Variants in FSHR observed in about 807,000 individuals in gnomAD.
FSHR encodes the protein follicle-stimulating hormone receptor.
FSHR carries 46 observed loss-of-function variants against 52.1 expected under a neutral mutation model. That is an observed-to-expected ratio of 0.88 (90% CI 0.70 to 1.13). The LOEUF (loss-of-function observed/expected upper bound fraction) is 1.13. Among genes scored for constraint, FSHR ranks in the 50% most tolerant of loss-of-function variants. FSHR has a pLI of 0.00. For missense variants in FSHR, 964 were observed against 834.6 expected (o/e 1.16, Z -1.91); for synonymous variants, 399 against 309.6 (o/e 1.29, Z -3.03).
intron 1 of FSHR, among the ~76,000 whole-genome samples, chr2:49,139,698 C>T (rs1380235674): frequency 2.0e-5 from 3 of 151,146 alleles, no homozygotes; most frequent in Admixed American, 6.6e-5. Flanking sequence ...CCTGGGTTCA[C>T]GCCATTCTCC....
chr2:49,038,248 C>A (rs1668342050), intron 2 of FSHR, among the ~76,000 whole-genome samples: 1 of 151,486 alleles, frequency 6.6e-6, no homozygotes, highest in African/African-American at 2.4e-5. Flanking sequence ...AAAATTAGAC[C>A]CAGAAGAAAC....
At chr2:49,027,878 A>AAGG (rs1667964418) in intron 2 of FSHR, among the ~76,000 whole-genome samples, 1 of 150,068 alleles carries the variant, frequency 6.7e-6, no homozygotes, top group Non-Finnish European at 1.5e-5. Flanking sequence ...AAAAAGAGTG[A>AAGG]AGGAAGGACA....
chr2:48,979,675 A>T (rs1300539557), intron 8 of FSHR, among the ~76,000 whole-genome samples: 2 of 152,162 alleles, frequency 1.3e-5, no homozygotes, highest in Admixed American at 6.5e-5. Flanking sequence ...TTAACTCCAG[A>T]TCTCCCCATG....
Position 48,968,774 on chromosome 2 carries a change from T to C in FSHR, c.778A>G (p.Lys260Glu). ...YNLKKLPTLE[K>E]LVALMEASLT... The stretch of plus-strand genomic sequence containing the variant: ...CTGGCTTCCATGAGGGCGACAAGCT[T>C]TTCCAGAGTAGGCAGCTTTTTTAAG... The change falls in exon 9 of 10, where the codon AAG (lysine) becomes GAG (glutamate). Residue 260 changes from lysine (K) to glutamate (E), a missense_variant. By Grantham distance (56) the Lys-to-Glu change is moderately conservative (BLOSUM62 1). Coordinates refer to ENST00000406846, the MANE Select transcript of FSHR (RefSeq NM_000145.4). 1 of 1,614,158 alleles carries C rather than the reference T, an allele frequency of 6.2e-7. No homozygotes were observed. Among genetic ancestry groups the C allele is most frequent in the Non-Finnish European group, 8.5e-7 (1 of 1,180,014 alleles).
intron 5 of FSHR, among the ~76,000 whole-genome samples, chr2:48,989,731 G>T (rs1219563768): frequency 6.6e-6 from 1 of 151,996 alleles, no homozygotes; most frequent in Admixed American, 6.6e-5. Context: ...GTTTCCTTCT[G>T]CCTGTTCTCC....
At chr2:49,067,997 AT>A (rs1669571303) in intron 2 of FSHR, among the ~76,000 whole-genome samples, 1 of 151,380 alleles carries the variant, frequency 6.6e-6, no homozygotes, top group South Asian at 2.1e-4. Flanking sequence ...AATGATGAAA[AT>A]TGCTTGGATT....
chr2:49,062,856 G>A (rs931735853), intron 2 of FSHR, among the ~76,000 whole-genome samples: 15 of 151,852 alleles, frequency 9.9e-5, no homozygotes, highest in African/African-American at 3.6e-4. Context: ...CCATGATAAG[G>A]TCTCATCTTA....
chr2:49,032,840 C>G (rs1230460035), intron 2 of FSHR, among the ~76,000 whole-genome samples: 1 of 152,090 alleles, frequency 6.6e-6, no homozygotes. Flanking sequence ...GAATAGCCAC[C>G]CCCTTCCTGC....
chr2:49,142,406 G>A (rs1558465058), intron 1 of FSHR, among the ~76,000 whole-genome samples: 2 of 152,172 alleles, frequency 1.3e-5, no homozygotes, highest in Admixed American at 6.5e-5. Context: ...GTAGGAAAGA[G>A]CCTAGTGTTT....
intron 1 of FSHR, among the ~76,000 whole-genome samples, chr2:49,125,146 C>T (rs1419691819): frequency 2.0e-5 from 3 of 152,108 alleles, no homozygotes; most frequent in Admixed American, 1.3e-4. Flanking sequence ...GTGTATCTAC[C>T]ATGTCTGATC....
At chr2:49,078,011 C>A (rs910242068) in intron 1 of FSHR, among the ~76,000 whole-genome samples, 2 of 152,210 alleles carry the variant, frequency 1.3e-5, no homozygotes, top group Admixed American at 1.3e-4. Flanking sequence ...TGCCTGTTAC[C>A]CAGTTCCAAA....
intron 1 of FSHR, among the ~76,000 whole-genome samples, chr2:49,107,608 A>G (rs1219380023): frequency 1.3e-5 from 2 of 152,226 alleles, no homozygotes; most frequent in Non-Finnish European, 2.9e-5. Context: ...ATGGTTAATC[A>G]CAAAATTAAT....
At chr2:49,029,106 C>T (rs1428723895) in intron 2 of FSHR, among the ~76,000 whole-genome samples, 2 of 152,146 alleles carry the variant, frequency 1.3e-5, no homozygotes, top group Non-Finnish European at 2.9e-5. Flanking sequence ...ATTAGTATTG[C>T]TTGGCCAATT....
chr2:49,102,046 T>C (rs543631694), intron 1 of FSHR, among the ~76,000 whole-genome samples: 2 of 152,120 alleles, frequency 1.3e-5, no homozygotes, highest in Non-Finnish European at 2.9e-5. Context: ...TCAGCATGAG[T>C]TTTGGAGGGG....
At chr2:49,085,781 G>T (rs1229301636) in intron 1 of FSHR, among the ~76,000 whole-genome samples, 5 of 152,140 alleles carry the variant, frequency 3.3e-5, no homozygotes, top group Non-Finnish European at 7.4e-5. Context: ...ATACTATGCA[G>T]CCATAAAAAA....
intron 8 of FSHR, among the ~76,000 whole-genome samples, chr2:48,974,137 G>T (rs150408437): frequency 2.7e-4 from 41 of 152,284 alleles, no homozygotes; most frequent in African/African-American, 9.6e-4. Flanking sequence ...CTTAAAGTGA[G>T]CTCAGGAAAA....
At chr2:49,108,341 CA>C (rs1671305815) in intron 1 of FSHR, among the ~76,000 whole-genome samples, 1 of 152,136 alleles carries the variant, frequency 6.6e-6, no homozygotes, top group South Asian at 2.1e-4. Context: ...TAATTTCTTA[CA>C]ATACATCTCT....
intron 4 of FSHR, chr2:49,014,675 T>G (rs902303101): frequency 3.9e-6 from 1 of 254,700 alleles, no homozygotes; most frequent in Admixed American, 5.3e-5. Context: ...AATTTTGCAA[T>G]GATTCCTCAT....
intron 1 of FSHR, among the ~76,000 whole-genome samples, chr2:49,133,856 G>C (rs964439858): frequency 2.0e-5 from 3 of 152,128 alleles, no homozygotes; most frequent in African/African-American, 7.2e-5. Context: ...TGGGAAAATT[G>C]GCTAGCCATA....
Sources: gnomAD v4.1 joint callset for allele counts (sites outside exome capture counted in the v4.1 genomes callset) on GRCh38, gnomAD v4.1.1 for gene constraint, MANE v1.5 for transcripts, NCBI Gene and HGNC (gene_info 2026-07-23, HGNC 2026-07-21) for gene names.